The following MPDZ variants were observed in gnomAD, a reference collection of about 807,000 sequenced individuals.
MPDZ encodes multiple PDZ domain protein.
In MPDZ, 234 loss-of-function variants were observed where a neutral mutation model predicts 239.1. The observed-to-expected ratio is 0.98, with a 90% CI of 0.88 to 1.09. The LOEUF is 1.09. MPDZ is among the 50% of genes least tolerant of loss of function. The pLI is 0.00. For synonymous variants in MPDZ, 1,048 were observed against 881.3 expected, an observed-to-expected ratio of 1.19 and a Z score of -3.35; for missense variants, 3,175 against 2,510.0, an observed-to-expected ratio of 1.26 and a Z score of -5.66.
rs547323805 is a variant in MPDZ, at chr9:13,108,404, G to A, written c.6066+532C>T. Reference sequence around the variant, plus strand: ...TAATTGAATCCCTTGATTGCAAATCGCTGACTTATTATAGATGATAGGGCT... The same window carrying A: ...TAATTGAATCCCTTGATTGCAAATCACTGACTTATTATAGATGATAGGGCT... On this transcript the variant is annotated intron_variant, in intron 46 of 46. Coordinates refer to ENST00000319217, the MANE Select transcript of MPDZ (RefSeq NM_001378778.1). 5.9e-5 allele frequency among the ~76,000 whole-genome samples: 9 copies of A among 151,890 alleles called. No homozygotes were observed. In the East Asian group the frequency reaches 9.7e-4, roughly 16 times the overall value.
At chr9:13,148,568 TA>T (rs1417957193) in intron 25 of MPDZ, among the ~76,000 whole-genome samples, 3 of 152,052 alleles carry the variant, frequency 2.0e-5, no homozygotes, top group Non-Finnish European at 2.9e-5. Context: ...TAGATGACAA[TA>T]TTTTTTTCAG....
chr9:13,156,319 G>T (rs1299666649), intron 24 of MPDZ, among the ~76,000 whole-genome samples: 1 of 152,140 alleles, frequency 6.6e-6, no homozygotes, highest in African/African-American at 2.4e-5. Context: ...ACTGCCTTCT[G>T]TATTAATCCT....
At chr9:13,212,741 G>A (rs1415045736) in intron 10 of MPDZ, among the ~76,000 whole-genome samples, 1 of 150,150 alleles carries the variant, frequency 6.7e-6, no homozygotes, top group Non-Finnish European at 1.5e-5. Context: ...GGTAGGCAGA[G>A]GCGAGAGGAT....
intron 26 of MPDZ, among the ~76,000 whole-genome samples, chr9:13,144,024 C>G (rs900163611): frequency 4.0e-5 from 6 of 151,812 alleles, no homozygotes; most frequent in Non-Finnish European, 7.4e-5. Context: ...TCACTGGCAA[C>G]CTTCATTATT....
chr9:13,243,184 T>C (rs960657156), intron 3 of MPDZ, among the ~76,000 whole-genome samples: 3 of 152,174 alleles, frequency 2.0e-5, no homozygotes, highest in Non-Finnish European at 4.4e-5. Flanking sequence ...CCCCTCTAGA[T>C]AGTGAGAACC....
chr9:13,268,355 T>C (rs2139129757), intron 1 of MPDZ, among the ~76,000 whole-genome samples: 1 of 152,194 alleles, frequency 6.6e-6, no homozygotes, highest in East Asian at 1.9e-4. Flanking sequence ...TCAATTCTTA[T>C]TCAAATAAAT....
At chr9:13,234,366 G>A (rs1450748668) in intron 3 of MPDZ, among the ~76,000 whole-genome samples, 1 of 151,952 alleles carries the variant, frequency 6.6e-6, no homozygotes, top group East Asian at 1.9e-4. Context: ...TGAAAAGAAA[G>A]TTAATATTAA....
At chr9:13,255,250 G>A (rs1969153435) in intron 1 of MPDZ, among the ~76,000 whole-genome samples, 1 of 152,122 alleles carries the variant, frequency 6.6e-6, no homozygotes. Flanking sequence ...TGAAATTCTA[G>A]TTCTCTTGCT....
At chr9:13,251,260 A>G (rs1967936330) in intron 1 of MPDZ, among the ~76,000 whole-genome samples, 1 of 152,160 alleles carries the variant, frequency 6.6e-6, no homozygotes, top group Non-Finnish European at 1.5e-5. Flanking sequence ...GGGAGTATAC[A>G]GTGTTAAATT....
intron 21 of MPDZ, among the ~76,000 whole-genome samples, chr9:13,175,286 T>C (rs1364664718): frequency 6.6e-6 from 1 of 152,190 alleles, no homozygotes; most frequent in African/African-American, 2.4e-5. Flanking sequence ...ATAACTCACA[T>C]TTACATTTTG....
chr9:13,222,184 A>G (rs757324423), intron 6 of MPDZ, 49 bp downstream of exon 6: 1 of 1,504,584 alleles, frequency 6.6e-7, no homozygotes, highest in Non-Finnish European at 9.0e-7. Context: ...ATAACCAAAA[A>G]CAACTTGAAA....
At chr9:13,212,744 G>A (rs749003848) in intron 10 of MPDZ, among the ~76,000 whole-genome samples, 9 of 146,640 alleles carry the variant, frequency 6.1e-5, no homozygotes, top group Admixed American at 2.1e-4. Flanking sequence ...AGGCAGAGGC[G>A]AGAGGATCTG....
At chr9:13,132,052 T>C (rs1250757985) in intron 32 of MPDZ, among the ~76,000 whole-genome samples, 1 of 152,216 alleles carries the variant, frequency 6.6e-6, no homozygotes, top group African/African-American at 2.4e-5. Context: ...GAGCTTTAGA[T>C]TTGTTTGAAA....
intron 1 of MPDZ, among the ~76,000 whole-genome samples, chr9:13,268,870 G>A (rs763064222): frequency 6.6e-6 from 1 of 152,162 alleles, no homozygotes; most frequent in Non-Finnish European, 1.5e-5. Flanking sequence ...GACCATGCAG[G>A]GACATTGGGG....
At chr9:13,107,224 C>T (rs1344056135) in intron 46 of MPDZ, 113 bp from the exon 47 acceptor site, 3 of 1,085,830 alleles carry the variant, frequency 2.8e-6, no homozygotes, top group Non-Finnish European at 3.9e-6. Flanking sequence ...ACACACACTG[C>T]TCCCAGTGCT....
rs1459349742 is a variant in MPDZ at position 13,112,161 on chromosome 9, A to G, written c.5602-15T>C. The G allele has an allele frequency of 3.8e-6, 6 of 1,595,192 alleles. No individual in the cohort carries two copies. Among genetic ancestry groups the G allele is most frequent in the African/African-American group, 2.7e-5 (2 of 74,236 alleles). ...TCAGTAGGGCCCTGCCATGGAACAGATATAAAATTTTGGTCAAAGTGATAT... is the reference window on the plus strand; with the variant it reads ...TCAGTAGGGCCCTGCCATGGAACAGGTATAAAATTTTGGTCAAAGTGATAT... On this transcript the variant is annotated splice_polypyrimidine_tract_variant and intron_variant, in intron 42 of 46. Transcript: ENST00000319217.
rs779613680 is a variant in MPDZ at position 13,113,983 on chromosome 9, G to A, written c.5505C>T (p.Leu1835=). 1.1e-5 allele frequency: 17 copies of A among 1,598,660 alleles called. No individual in the cohort carries two copies. The East Asian group carries it at 1.1e-4, about 11-fold the overall frequency. ...GTGACTCAGATGTACTGGATCCAGA[G>A]AGTGGAAAAGTGAAAGATGACAGGC... ...EGSLSSFTFP[L]SGSSTSESLE... is the part of the protein sequence containing the mutation. The change falls in exon 41 of 47, where the codon CTC becomes CTT. Residue 1835 remains leucine (L), a synonymous_variant. Coordinates refer to ENST00000319217, the MANE Select transcript of MPDZ (RefSeq NM_001378778.1).
chr9:13,278,223 G>A (rs1974681942), intron 1 of MPDZ, among the ~76,000 whole-genome samples: 1 of 152,164 alleles, frequency 6.6e-6, no homozygotes, highest in Non-Finnish European at 1.5e-5. Context: ...CGCTGGTGAA[G>A]TCATGGTCCT....
chr9:13,230,375 T>TAA, intron 3 of MPDZ, among the ~76,000 whole-genome samples: 1 of 152,174 alleles, frequency 6.6e-6, no homozygotes, highest in Non-Finnish European at 1.5e-5. Flanking sequence ...AGCTTATATA[T>TAA]AATAGTGAAA....
Sources: gnomAD v4.1 joint callset for allele counts (sites outside exome capture counted in the v4.1 genomes callset) on GRCh38, gnomAD v4.1.1 for gene constraint, MANE v1.5 for transcripts, NCBI Gene and HGNC (gene_info 2026-07-23, HGNC 2026-07-21) for gene names.